MARCHF11: variants seen among roughly 807,000 people sequenced by gnomAD.
MARCHF11 encodes the protein membrane associated ring-CH-type finger 11.
In MARCHF11, 29 loss-of-function variants were observed where a neutral mutation model predicts 37.3. The ratio of observed to expected loss-of-function variants is 0.78; its 90% CI spans 0.58 to 1.06. The LOEUF is 1.06. Ranked by LOEUF, MARCHF11 falls within the 50% of genes least tolerant of loss-of-function variation. The pLI, the probability that MARCHF11 is intolerant of heterozygous loss-of-function variation, is 0.00. For synonymous variants in MARCHF11, 233 were observed against 228.0 expected (o/e 1.02, Z -0.20); for missense variants, 482 against 533.4 (o/e 0.90, Z 0.95).
rs1410761971 is a variant in MARCHF11 at position 16,179,045 on chromosome 5, C to G, written c.531G>C (p.Ala177=). 2 of 1,479,178 alleles carry G rather than the reference C, an allele frequency of 1.4e-6. No homozygotes were observed. Among genetic ancestry groups the G allele is most frequent in the Admixed American group, 4.6e-5 (2 of 43,602 alleles). 91.6% of individuals were successfully genotyped at this position (1,479,178 alleles called of 1,614,324 possible). Reference sequence around the variant, plus strand: ...GGGTCTCGCCGGGCCTTACCTGCTCCGCGCCCTGGAAGCAGATCTTGCAGA... The same window carrying G: ...GGGTCTCGCCGGGCCTTACCTGCTCGGCGCCCTGGAAGCAGATCTTGCAGA... ...QPICKICFQG[A]EQGELLNPCR... Residue 177 remains alanine, a synonymous_variant, in exon 1 of 4, where the codon GCG becomes GCC. Transcript: ENST00000332432.
At chr5:16,124,071 T>C (rs943114142) in intron 2 of MARCHF11, among the ~76,000 whole-genome samples, 3 of 152,196 alleles carry the variant, frequency 2.0e-5, no homozygotes, top group African/African-American at 7.2e-5. Flanking sequence ...AGGCTAATGT[T>C]TGAACTCAGG....
chr5:16,161,083 C>T (rs745911861), intron 2 of MARCHF11, among the ~76,000 whole-genome samples: 25 of 151,860 alleles, frequency 1.6e-4, no homozygotes, highest in Admixed American at 2.6e-4. Flanking sequence ...ATGTACACAA[C>T]GTGCAGGTTT....
intron 2 of MARCHF11, among the ~76,000 whole-genome samples, chr5:16,175,238 G>T (rs991207055): frequency 6.6e-6 from 1 of 152,202 alleles, no homozygotes; most frequent in African/African-American, 2.4e-5. Flanking sequence ...ACTCTTAACA[G>T]ATCATAAATG....
intron 2 of MARCHF11, among the ~76,000 whole-genome samples, chr5:16,148,256 T>C (rs1278942237): frequency 2.0e-5 from 3 of 152,048 alleles, no homozygotes; most frequent in African/African-American, 7.2e-5. Flanking sequence ...ATTAAATTTA[T>C]GAAAAAAAGT....
intron 2 of MARCHF11, among the ~76,000 whole-genome samples, chr5:16,174,863 G>C (rs1738330426): frequency 6.6e-6 from 1 of 152,158 alleles, no homozygotes; most frequent in Admixed American, 6.5e-5. Context: ...CCAGACTCCA[G>C]AAGTGGAGTC....
chr5:16,137,397 C>G (rs1560985991), intron 2 of MARCHF11, among the ~76,000 whole-genome samples: 1 of 152,068 alleles, frequency 6.6e-6, no homozygotes, highest in African/African-American at 2.4e-5. Context: ...GTATGATATG[C>G]CTTTGCTCCT....
intron 2 of MARCHF11, among the ~76,000 whole-genome samples, chr5:16,122,039 T>G (rs781205238): frequency 5.3e-5 from 8 of 152,164 alleles, no homozygotes; most frequent in Non-Finnish European, 7.3e-5. Flanking sequence ...ATTTAGGTAC[T>G]CTGTCCAAAG....
chr5:16,143,591 C>T (rs988959022), intron 2 of MARCHF11, among the ~76,000 whole-genome samples: 3 of 152,248 alleles, frequency 2.0e-5, no homozygotes, highest in Non-Finnish European at 2.9e-5. Context: ...TTGGAGGAGA[C>T]CTGTCCTAAG....
intron 2 of MARCHF11, among the ~76,000 whole-genome samples, chr5:16,152,025 T>C (rs1039986537): frequency 2.6e-5 from 4 of 152,012 alleles, no homozygotes; most frequent in African/African-American, 9.7e-5. Context: ...ACAGTGAGGA[T>C]AGCAGAAACT....
chr5:16,098,781 A>G (rs1199531904), intron 2 of MARCHF11, among the ~76,000 whole-genome samples: 2 of 151,756 alleles, frequency 1.3e-5, no homozygotes, highest in East Asian at 1.9e-4. Context: ...AAAAAAAAAG[A>G]AAAAAAATAC....
intron 3 of MARCHF11, among the ~76,000 whole-genome samples, chr5:16,078,398 T>C (rs1736554933): frequency 6.6e-6 from 1 of 152,038 alleles, no homozygotes; most frequent in East Asian, 1.9e-4. Context: ...TGGAGATGCA[T>C]TTTTAAAAAC....
chr5:16,098,578 G>A (rs1341914219), intron 2 of MARCHF11, among the ~76,000 whole-genome samples: 1 of 152,010 alleles, frequency 6.6e-6, no homozygotes, highest in Non-Finnish European at 1.5e-5. Flanking sequence ...GACCAACCTG[G>A]CCAACATGGT....
At chr5:16,099,017 T>C (rs1736914458) in intron 2 of MARCHF11, among the ~76,000 whole-genome samples, 1 of 152,178 alleles carries the variant, frequency 6.6e-6, no homozygotes, top group Admixed American at 6.5e-5. Context: ...AAACCTCTTC[T>C]TCCTTGTTTC....
chr5:16,179,637 AAG>A lies in MARCHF11; in HGVS notation c.-64_-63del. ...GCGGGCCGGGCTCTGGCTGCAGGGAAAGAGAGCGCGGAGGGGGCGGGAGGGAG... is the reference window on the plus strand; with the variant it reads ...GCGGGCCGGGCTCTGGCTGCAGGGAAAGAGCGCGGAGGGGGCGGGAGGGAG... On this transcript the variant is annotated 5_prime_UTR_variant, in exon 1 of 4. Transcript: ENST00000332432. 1 of 1,031,962 alleles carries A rather than the reference AAG, an allele frequency of 9.7e-7. No individual in the cohort carries two copies. The highest frequency in any genetic ancestry group is 1.2e-6 in the Non-Finnish European group (1 of 859,074). The allele number at this position is 1,031,962 out of a possible 1,614,324, so 63.9% of individuals were successfully genotyped here.
chr5:16,170,239 T>C (rs960947206), intron 2 of MARCHF11, among the ~76,000 whole-genome samples: 3 of 152,216 alleles, frequency 2.0e-5, no homozygotes, highest in Non-Finnish European at 4.4e-5. Flanking sequence ...CCTGAACAAA[T>C]GCTAGAAGAA....
At chr5:16,128,375 A>G (rs896127231) in intron 2 of MARCHF11, among the ~76,000 whole-genome samples, 1 of 152,112 alleles carries the variant, frequency 6.6e-6, no homozygotes, top group African/African-American at 2.4e-5. Flanking sequence ...GTTTGTCTGC[A>G]AGCAGTTCAA....
At chr5:16,122,653 G>A (rs895414655) in intron 2 of MARCHF11, among the ~76,000 whole-genome samples, 4 of 152,084 alleles carry the variant, frequency 2.6e-5, no homozygotes, top group African/African-American at 9.7e-5. Context: ...CTCGTCTCTA[G>A]CCTCCTGTCC....
At chr5:16,131,874 T>C (rs1737521333) in intron 2 of MARCHF11, among the ~76,000 whole-genome samples, 1 of 152,192 alleles carries the variant, frequency 6.6e-6, no homozygotes, top group Admixed American at 6.5e-5. Flanking sequence ...TATTAAGTAG[T>C]GGTGATGTGG....
At chr5:16,166,117 T>G (rs1738164558) in intron 2 of MARCHF11, among the ~76,000 whole-genome samples, 1 of 152,276 alleles carries the variant, frequency 6.6e-6, no homozygotes, top group Non-Finnish European at 1.5e-5. Context: ...TATTTCCAGC[T>G]TTAGTCACTG....
Sources: allele counts gnomAD v4.1 joint callset (sites outside exome capture counted in the v4.1 genomes callset), GRCh38; gene constraint gnomAD v4.1.1; transcripts MANE v1.5; gene names NCBI Gene and HGNC (gene_info 2026-07-23, HGNC 2026-07-21).